IL1RAPL2: variants seen among roughly 807,000 people sequenced by gnomAD.
IL1RAPL2 encodes the protein interleukin 1 receptor accessory protein like 2.
IL1RAPL2 carries 3 observed loss-of-function variants against 44.1 expected under a neutral mutation model. That is an observed-to-expected ratio of 0.07 (90% CI 0.03 to 0.18). The LOEUF is 0.18. Ranked by LOEUF, IL1RAPL2 falls within the 10% of genes least tolerant of loss-of-function variation. IL1RAPL2 has a pLI of 1.00. For synonymous variants in IL1RAPL2, 181 were observed against 178.8 expected, an observed-to-expected ratio of 1.01 and a Z score of -0.10; for missense variants, 391 against 496.4, an observed-to-expected ratio of 0.79 and a Z score of 2.02.
At chrX:105,613,639 T>C (rs2037352001) in intron 6 of IL1RAPL2, among the ~76,000 whole-genome samples, 1 of 111,299 alleles carries the variant, frequency 9.0e-6, no homozygotes, top group Non-Finnish European at 1.9e-5. Context: ...CCAGGCCCCA[T>C]CCACCACAAG....
At chrX:105,592,729 T>A (rs2037181560) in intron 6 of IL1RAPL2, among the ~76,000 whole-genome samples, 1 of 111,994 alleles carries the variant, frequency 8.9e-6, no homozygotes, top group Admixed American at 9.5e-5. Flanking sequence ...TTGGCATGTC[T>A]TTTCTTTAAG....
At chrX:105,094,999 T>C (rs1392974351) in intron 2 of IL1RAPL2, among the ~76,000 whole-genome samples, 1 of 112,009 alleles carries the variant, frequency 8.9e-6, no homozygotes, top group Non-Finnish European at 1.9e-5. Context: ...TTAATATATA[T>C]TTTTGTATAC....
intron 1 of IL1RAPL2, among the ~76,000 whole-genome samples, chrX:104,657,933 G>A (rs1158642457): frequency 8.9e-6 from 1 of 112,240 alleles, no homozygotes; most frequent in Non-Finnish European, 1.9e-5. Context: ...TCTCACACCA[G>A]TTAGAATGGC....
chrX:105,764,816 A>G (rs1416152892), intron 10 of IL1RAPL2, among the ~76,000 whole-genome samples: 1 of 111,527 alleles, frequency 9.0e-6, no homozygotes, highest in Non-Finnish European at 1.9e-5. Context: ...AAAAAAATAA[A>G]AAAATAAAAT....
intron 7 of IL1RAPL2, among the ~76,000 whole-genome samples, chrX:105,723,856 C>G (rs758076679): frequency 9.0e-5 from 10 of 111,663 alleles, no homozygotes; most frequent in Non-Finnish European, 1.9e-4. Flanking sequence ...GGCCCCACCT[C>G]TTAATACTAT....
chrX:104,924,244 G>C (rs751017397), intron 2 of IL1RAPL2, among the ~76,000 whole-genome samples: 4 of 111,412 alleles, frequency 3.6e-5, no homozygotes, highest in Non-Finnish European at 5.7e-5. Context: ...GACAACACAA[G>C]ACAAGCCATC....
chrX:105,256,881 C>A (rs2034320069), intron 4 of IL1RAPL2, among the ~76,000 whole-genome samples: 1 of 111,063 alleles, frequency 9.0e-6, no homozygotes, highest in African/African-American at 3.3e-5. Flanking sequence ...AGCTAGTGGG[C>A]TATCTATCTT....
chrX:105,045,384 G>T (rs2031823518), intron 2 of IL1RAPL2, among the ~76,000 whole-genome samples: 1 of 111,775 alleles, frequency 8.9e-6, no homozygotes, highest in Non-Finnish European at 1.9e-5. Flanking sequence ...AAATAACAGT[G>T]TAAGTGTATA....
At chrX:104,981,233 G>C (rs377690231) in intron 2 of IL1RAPL2, among the ~76,000 whole-genome samples, 73 of 110,051 alleles carry the variant, frequency 6.6e-4, no homozygotes, top group African/African-American at 2.3e-3. Context: ...TTGTGACCCA[G>C]GTAATCAGCA....
intron 2 of IL1RAPL2, among the ~76,000 whole-genome samples, chrX:104,733,047 A>C (rs1266367665): frequency 8.9e-6 from 1 of 111,761 alleles, no homozygotes; most frequent in Non-Finnish European, 1.9e-5. Flanking sequence ...CAGATTAAAA[A>C]AGCACTTAAT....
chrX:105,127,729 GT>G (rs1221732334), intron 2 of IL1RAPL2, among the ~76,000 whole-genome samples: 2 of 110,864 alleles, frequency 1.8e-5, no homozygotes, highest in African/African-American at 6.5e-5. Flanking sequence ...TGCCAAATAA[GT>G]TGTATTAAAC....
At chrX:105,488,602 T>C (rs1196041299) in intron 6 of IL1RAPL2, among the ~76,000 whole-genome samples, 1 of 112,397 alleles carries the variant, frequency 8.9e-6, no homozygotes, top group African/African-American at 3.2e-5. Context: ...CAAACATTAA[T>C]CAGTTTATCT....
At chrX:105,038,847 C>G (rs1291038431) in intron 2 of IL1RAPL2, among the ~76,000 whole-genome samples, 1 of 110,593 alleles carries the variant, frequency 9.0e-6, no homozygotes, top group Non-Finnish European at 1.9e-5. Flanking sequence ...TTCTTTGCAC[C>G]TCTGCCCTCT....
At chrX:105,096,049 C>T (rs1271559570) in intron 2 of IL1RAPL2, among the ~76,000 whole-genome samples, 1 of 111,488 alleles carries the variant, frequency 9.0e-6, no homozygotes, top group Non-Finnish European at 1.9e-5. Context: ...AGCCATTTCT[C>T]CAAAGATCTA....
At chrX:105,160,320 C>T (rs1323582499) in intron 2 of IL1RAPL2, among the ~76,000 whole-genome samples, 2 of 110,803 alleles carry the variant, frequency 1.8e-5, no homozygotes, top group East Asian at 5.7e-4. Flanking sequence ...CAGCCCAATA[C>T]AAGCAGATAT....
chrX:105,131,566 C>T (rs1237524518), intron 2 of IL1RAPL2, among the ~76,000 whole-genome samples: 3 of 107,560 alleles, frequency 2.8e-5, no homozygotes, highest in Non-Finnish European at 5.8e-5. Context: ...AATACAGAAA[C>T]AGGCAGCATA....
intron 3 of IL1RAPL2, chrX:105,220,316 G>C (rs1556179758): frequency 8.3e-7 from 1 of 1,209,601 alleles, no homozygotes; most frequent in Non-Finnish European, 1.1e-6. Flanking sequence ...CCTTTCGTGT[G>C]CCTGGCCATT....
intron 2 of IL1RAPL2, among the ~76,000 whole-genome samples, chrX:105,104,697 G>C (rs2032715710): frequency 8.9e-6 from 1 of 111,835 alleles, no homozygotes; most frequent in African/African-American, 3.3e-5. Flanking sequence ...AGCTGTATTG[G>C]GGCCTCAGTC....
chrX:104,650,225 A>C (rs1930127277), intron 1 of IL1RAPL2, among the ~76,000 whole-genome samples: 1 of 111,876 alleles, frequency 8.9e-6, no homozygotes, highest in Admixed American at 9.5e-5. Flanking sequence ...TTTTTAGGAA[A>C]AAAAGTAATT....
Sources: allele counts gnomAD v4.1 joint callset (sites outside exome capture counted in the v4.1 genomes callset), GRCh38; gene constraint gnomAD v4.1.1; transcripts MANE v1.5; gene names NCBI Gene and HGNC (gene_info 2026-07-23, HGNC 2026-07-21).